BRINP3: variants seen among roughly 807,000 people sequenced by gnomAD.
The protein encoded by BRINP3 is BMP/retinoic acid-inducible neural-specific protein 3.
In BRINP3, 19 loss-of-function variants were observed where a neutral mutation model predicts 71.0. That is an observed-to-expected ratio of 0.27 (90% CI 0.19 to 0.39). The LOEUF (loss-of-function observed/expected upper bound fraction) is 0.39, where lower values mean the gene tolerates loss of function less well. Among genes scored for constraint, BRINP3 ranks in the 10% least tolerant of loss-of-function variants. The probability of loss-of-function intolerance (pLI) is 1.00; values close to 1 mark genes in which losing one functional copy is unlikely to be tolerated. For synonymous variants in BRINP3, 380 were observed against 337.7 expected, an observed-to-expected ratio of 1.13 and a Z score of -1.37; for missense variants, 959 against 940.8, an observed-to-expected ratio of 1.02 and a Z score of -0.25.
intron 4 of BRINP3, among the ~76,000 whole-genome samples, chr1:190,241,300 G>A (rs555775698): frequency 1.2e-4 from 19 of 152,018 alleles, no homozygotes; most frequent in Non-Finnish European, 2.2e-4. Context: ...GGATGAAGTA[G>A]TTATCAAGCT....
At chr1:190,292,181 A>C (rs536791306) in intron 2 of BRINP3, among the ~76,000 whole-genome samples, 17 of 152,248 alleles carry the variant, frequency 1.1e-4, no homozygotes, top group African/African-American at 3.9e-4. Context: ...AATGCTGGCC[A>C]AATGATACAA....
intron 2 of BRINP3, among the ~76,000 whole-genome samples, chr1:190,364,161 C>G (rs920069540): frequency 2.6e-5 from 4 of 152,070 alleles, no homozygotes; most frequent in Admixed American, 6.6e-5. Flanking sequence ...AAAGTAATCC[C>G]CTTCCCACCC....
At chr1:190,430,561 A>C (rs2102504627) in intron 2 of BRINP3, among the ~76,000 whole-genome samples, 1 of 152,288 alleles carries the variant, frequency 6.6e-6, no homozygotes, top group African/African-American at 2.4e-5. Flanking sequence ...GTAGAGAAAT[A>C]ATGTAGGAAG....
At chr1:190,363,340 A>G (rs1011679010) in intron 2 of BRINP3, among the ~76,000 whole-genome samples, 24 of 152,214 alleles carry the variant, frequency 1.6e-4, no homozygotes, top group Non-Finnish European at 2.6e-4. Flanking sequence ...CAGAGGACAC[A>G]GTTCACCCCT....
At chr1:190,247,163 C>T (rs1288657837) in intron 4 of BRINP3, among the ~76,000 whole-genome samples, 1 of 151,714 alleles carries the variant, frequency 6.6e-6, no homozygotes, top group Admixed American at 6.6e-5. Flanking sequence ...CAAAAAAAAA[C>T]ACACCATAGA....
At chr1:190,175,704 C>T (rs1652441353) in intron 6 of BRINP3, among the ~76,000 whole-genome samples, 1 of 152,144 alleles carries the variant, frequency 6.6e-6, no homozygotes, top group African/African-American at 2.4e-5. Context: ...ACATGAAAAG[C>T]ATAACAAACA....
chr1:190,468,444 T>C (rs541587805), intron 1 of BRINP3, among the ~76,000 whole-genome samples: 24 of 151,420 alleles, frequency 1.6e-4, no homozygotes, highest in African/African-American at 5.1e-4. Context: ...AATTGTAATT[T>C]GTTGTTTCGT....
At chr1:190,227,026 G>C (rs1053282957) in intron 5 of BRINP3, among the ~76,000 whole-genome samples, 1 of 151,682 alleles carries the variant, frequency 6.6e-6, no homozygotes, top group African/African-American at 2.4e-5. Flanking sequence ...ATTAAGATTT[G>C]GGCTTTTCTC....
rs547837184 is a variant in BRINP3 at position 190,236,040 on chromosome 1, T to C, written c.619-1563A>G. 4.6e-5 allele frequency among the ~76,000 whole-genome samples: 7 copies of C among 151,884 alleles called. No individual in the cohort carries two copies. In the South Asian group the frequency reaches 1.2e-3, roughly 27 times the overall value. Reference sequence around the variant, plus strand: ...TTAAGAGAAAGAGGAGGAGGAAACATAAGGAGAAACTTCGTAGTATGGAGC... The same window carrying C: ...TTAAGAGAAAGAGGAGGAGGAAACACAAGGAGAAACTTCGTAGTATGGAGC... On this transcript the variant is annotated intron_variant, in intron 4 of 7. Coordinates refer to ENST00000367462, the MANE Select transcript of BRINP3 (RefSeq NM_199051.3).
At chr1:190,399,818 A>G (rs1035130549) in intron 2 of BRINP3, among the ~76,000 whole-genome samples, 4 of 152,050 alleles carry the variant, frequency 2.6e-5, no homozygotes, top group African/African-American at 9.7e-5. Context: ...ATTCACTTTT[A>G]GAACTGTAAA....
Position 190,327,218 on chromosome 1 carries a change from G to A in BRINP3, c.237-45468C>T, listed in dbSNP as rs182179537. Among the ~76,000 whole-genome samples the A allele has an allele frequency of 6.9e-3, 1,039 of 149,608 alleles. 15 individuals are homozygous for A. The highest frequency in any genetic ancestry group is 0.024 in the African/African-American group (994 of 40,870). On this transcript the variant is annotated intron_variant, in intron 2 of 7. Coordinates refer to ENST00000367462, the MANE Select transcript of BRINP3 (RefSeq NM_199051.3). The stretch of plus-strand genomic sequence containing the variant: ...TAATCCCGGCTACTTGGAAGGCTGA[G>A]GTAGGAGACTCACTTGAACCCAGGA...
intron 2 of BRINP3, among the ~76,000 whole-genome samples, chr1:190,319,689 C>G (rs1666110226): frequency 6.6e-6 from 1 of 151,918 alleles, no homozygotes. Flanking sequence ...ACAACCAGAT[C>G]TAATTAGAAC....
intron 6 of BRINP3, among the ~76,000 whole-genome samples, chr1:190,221,078 C>T (rs1656846090): frequency 6.6e-6 from 1 of 152,032 alleles, no homozygotes; most frequent in Non-Finnish European, 1.5e-5. Flanking sequence ...ATTAGTCGGG[C>T]ATGGTGGCAG....
chr1:190,283,058 G>T (rs1487588145), intron 2 of BRINP3, among the ~76,000 whole-genome samples: 1 of 151,942 alleles, frequency 6.6e-6, no homozygotes. Context: ...TCTAACTATG[G>T]ATATTTAGTA....
intron 2 of BRINP3, among the ~76,000 whole-genome samples, chr1:190,332,988 GA>G (rs962412639): frequency 2.2e-4 from 33 of 149,894 alleles, no homozygotes; most frequent in South Asian, 8.4e-4. Context: ...TTAGAATTGT[GA>G]AAAAAAAATT....
intron 2 of BRINP3, among the ~76,000 whole-genome samples, chr1:190,323,610 AT>A (rs1377647347): frequency 4.0e-5 from 6 of 151,168 alleles, no homozygotes; most frequent in Non-Finnish European, 8.9e-5. Flanking sequence ...AAAAAAAAAA[AT>A]AAGAATTTTT....
At chr1:190,281,153 A>G (rs1293632389) in intron 3 of BRINP3, among the ~76,000 whole-genome samples, 2 of 151,980 alleles carry the variant, frequency 1.3e-5, no homozygotes, top group Non-Finnish European at 2.9e-5. Flanking sequence ...CAGAAACACT[A>G]AAATGGTGCT....
intron 4 of BRINP3, among the ~76,000 whole-genome samples, chr1:190,242,444 A>G (rs1185948505): frequency 6.6e-6 from 1 of 152,128 alleles, no homozygotes; most frequent in Non-Finnish European, 1.5e-5. Flanking sequence ...TGTATGATAT[A>G]TTATTCATCC....
chr1:190,241,865 T>TA (rs1659132139), intron 4 of BRINP3, among the ~76,000 whole-genome samples: 1 of 151,652 alleles, frequency 6.6e-6, no homozygotes, highest in South Asian at 2.1e-4. Flanking sequence ...ATTTTGATGT[T>TA]AAAAAATAAG....
Sources: gnomAD v4.1 joint callset for allele counts (sites outside exome capture counted in the v4.1 genomes callset) on GRCh38, gnomAD v4.1.1 for gene constraint, MANE v1.5 for transcripts, NCBI Gene and HGNC (gene_info 2026-07-23, HGNC 2026-07-21) for gene names.